Variants in FMN2 observed in about 807,000 individuals in gnomAD.
FMN2 encodes formin 2.
In FMN2, 51 loss-of-function variants were observed where a neutral mutation model predicts 142.3. The observed-to-expected ratio is 0.36, with a 90% CI of 0.29 to 0.45. The LOEUF (loss-of-function observed/expected upper bound fraction) is 0.45. FMN2 is among the 20% of genes least tolerant of loss of function. The pLI is 1.00. For synonymous variants in FMN2, 882 were observed against 869.8 expected (o/e 1.01, Z -0.25); for missense variants, 1,936 against 2,122.8 (o/e 0.91, Z 1.73).
Position 240,207,227 on chromosome 1 carries a change from G to C in FMN2, c.2415G>C (p.Gln805His), listed in dbSNP as rs573502442. 2.3e-5 allele frequency: 37 copies of C among 1,613,998 alleles called. No homozygotes were observed. In the South Asian group the frequency reaches 2.9e-4, roughly 12 times the overall value. Residue 805 changes from glutamine to histidine, a missense_variant, in exon 5 of 18, where the codon CAG (glutamine) becomes CAC (histidine). This residue lies in a region of FMN2 where 478 missense variants were observed against 462.8 expected (regional missense o/e 1.03). Coordinates refer to ENST00000319653, the MANE Select transcript of FMN2 (RefSeq NM_020066.5). ...SVQLDSHQPT[Q>H]SISQPPPPPS... ...AGCTCGACAGCCATCAGCCCACACA[G>C]AGCATCTCACAGCCTCCACCACCTC... is the stretch of plus-strand genomic sequence containing the variant.
chr1:240,278,156 C>T, intron 7 of FMN2, among the ~76,000 whole-genome samples: 1 of 152,130 alleles, frequency 6.6e-6, no homozygotes, highest in East Asian at 1.9e-4. Context: ...AAGTTTATTT[C>T]ATAACTATAT....
intron 16 of FMN2, among the ~76,000 whole-genome samples, chr1:240,444,131 A>G (rs1369033019): frequency 6.6e-6 from 1 of 152,186 alleles, no homozygotes; most frequent in Non-Finnish European, 1.5e-5. Flanking sequence ...ATGAGTGTTC[A>G]GCTATATAAC....
intron 2 of FMN2, chr1:240,170,073 A>G (rs1336617211): frequency 3.4e-6 from 2 of 588,136 alleles, no homozygotes; most frequent in African/African-American, 1.9e-5. Context: ...TAAGCCAATC[A>G]TGGAATGAGA....
chr1:240,449,963 ATAT>A (rs927838146), intron 16 of FMN2, among the ~76,000 whole-genome samples: 53 of 152,132 alleles, frequency 3.5e-4, no homozygotes, highest in African/African-American at 1.1e-3. Context: ...TGTACAATAC[ATAT>A]TATTATTATT....
chr1:240,215,847 T>G (rs1245882409), intron 6 of FMN2, among the ~76,000 whole-genome samples: 1 of 152,136 alleles, frequency 6.6e-6, no homozygotes, highest in Non-Finnish European at 1.5e-5. Context: ...TAGCTGGGAT[T>G]ACAGGTGCGG....
In FMN2 at chr1:240,170,182, G is replaced by T. The variant is rs1196773760; in HGVS notation, c.1783-7739G>T. 9.7e-6 allele frequency: 11 copies of T among 1,131,094 alleles called. No homozygotes were observed. The African/African-American group carries it at 1.4e-4, about 14-fold the overall frequency. 70.1% of individuals were successfully genotyped at this position (1,131,094 alleles called of 1,614,324 possible). ...AGAACCCGTGGACATGGTGAACCAG[G>T]TTATCAAGTGCAAGGCTGCAGTTGC... On this transcript the variant is annotated intron_variant, in intron 2 of 17. Transcript: ENST00000319653.
chr1:240,377,681 T>G (rs1351503243), intron 14 of FMN2, among the ~76,000 whole-genome samples: 2 of 152,148 alleles, frequency 1.3e-5, no homozygotes, highest in Non-Finnish European at 2.9e-5. Context: ...CCTACCTTTC[T>G]CTTTCACTTA....
At chr1:240,446,080 G>T (rs888434127) in intron 16 of FMN2, among the ~76,000 whole-genome samples, 1 of 152,140 alleles carries the variant, frequency 6.6e-6, no homozygotes, top group African/African-American at 2.4e-5. Context: ...CTTCTAAAAT[G>T]CTGTAGAAAA....
At chr1:240,097,459 C>G (rs1189106764) in intron 1 of FMN2, among the ~76,000 whole-genome samples, 1 of 151,822 alleles carries the variant, frequency 6.6e-6, no homozygotes, top group Non-Finnish European at 1.5e-5. Context: ...GAGTTCACGC[C>G]ATTCTCCTGC....
intron 6 of FMN2, among the ~76,000 whole-genome samples, chr1:240,220,027 T>C (rs1290970584): frequency 2.0e-5 from 3 of 152,192 alleles, no homozygotes; most frequent in African/African-American, 7.2e-5. Flanking sequence ...AAAATTACTT[T>C]GGGACCTGAA....
At chr1:240,241,411 T>C (rs1040071064) in intron 6 of FMN2, among the ~76,000 whole-genome samples, 4 of 152,204 alleles carry the variant, frequency 2.6e-5, no homozygotes, top group African/African-American at 9.6e-5. Context: ...AGCAAATTCC[T>C]GTGCTGTATT....
rs148694685 is a variant in FMN2, at chr1:240,468,690, G to T, written c.5061-3682G>T. Among the ~76,000 whole-genome samples the T allele has an allele frequency of 5.0e-3, 762 of 152,278 alleles. 7 individuals are homozygous for T. The highest frequency in any genetic ancestry group is 5.2e-3 in the Non-Finnish European group (356 of 68,030). ...GACCATCTTTTTTCTACTTAGTTAA[G>T]AAATGTTAGGCATCACTGAATGAGG... On this transcript the variant is annotated intron_variant, in intron 16 of 17. Coordinates refer to ENST00000319653, the MANE Select transcript of FMN2 (RefSeq NM_020066.5).
intron 2 of FMN2, among the ~76,000 whole-genome samples, chr1:240,151,987 G>A (rs184182444): frequency 5.2e-4 from 79 of 151,986 alleles, no homozygotes; most frequent in African/African-American, 1.8e-3. Context: ...GGCTGCTCTC[G>A]AACTCCTGGG....
At chr1:240,398,824 C>A (rs747696757) in intron 15 of FMN2, among the ~76,000 whole-genome samples, 6 of 152,126 alleles carry the variant, frequency 3.9e-5, no homozygotes, top group Non-Finnish European at 7.3e-5. Flanking sequence ...TGATCTCTGG[C>A]AGATGCTTAG....
intron 7 of FMN2, among the ~76,000 whole-genome samples, chr1:240,288,382 C>T (rs1001175013): frequency 1.3e-5 from 2 of 152,160 alleles, no homozygotes; most frequent in Non-Finnish European, 2.9e-5. Context: ...TCCACTGAAT[C>T]ATGATGCTTC....
chr1:240,115,320 T>G (rs1661979632), intron 1 of FMN2, among the ~76,000 whole-genome samples: 2 of 152,198 alleles, frequency 1.3e-5, no homozygotes, highest in South Asian at 4.1e-4. Flanking sequence ...AATAATCTAT[T>G]TGTTATAGTA....
chr1:240,427,097 A>T (rs968462608), intron 15 of FMN2, among the ~76,000 whole-genome samples: 1 of 151,908 alleles, frequency 6.6e-6, no homozygotes, highest in Non-Finnish European at 1.5e-5. Flanking sequence ...CTAAAAAATG[A>T]TTAGGCCCTA....
chr1:240,126,458 A>G (rs1662515366), intron 2 of FMN2, among the ~76,000 whole-genome samples: 1 of 149,470 alleles, frequency 6.7e-6, no homozygotes, highest in Non-Finnish European at 1.5e-5. Context: ...ATGCAATTAC[A>G]GCAATAAAGA....
chr1:240,438,913 T>C (rs1180395127), intron 16 of FMN2, among the ~76,000 whole-genome samples: 1 of 152,164 alleles, frequency 6.6e-6, no homozygotes, highest in Non-Finnish European at 1.5e-5. Flanking sequence ...CAAGCCATAA[T>C]GCCAAACTAA....
Sources: gnomAD v4.1 joint callset for allele counts (sites outside exome capture counted in the v4.1 genomes callset) on GRCh38, gnomAD v4.1.1 for gene constraint, gnomAD v4.1.1 regional missense constraint, MANE v1.5 for transcripts, NCBI Gene and HGNC (gene_info 2026-07-23, HGNC 2026-07-21) for gene names.